Variants in KCNH1 observed in about 807,000 individuals in gnomAD.
KCNH1 encodes the protein potassium voltage-gated channel subfamily H member 1.
A neutral mutation model predicts 69.2 loss-of-function variants in KCNH1; 27 were observed. The observed-to-expected ratio is 0.39, with a 90% CI of 0.29 to 0.54. The LOEUF is 0.54. Among genes scored for constraint, KCNH1 ranks in the 20% least tolerant of loss-of-function variants. KCNH1 has a pLI of 0.68. For missense variants in KCNH1, 798 were observed against 1,261.6 expected (o/e 0.63, Z 5.57); for synonymous variants, 456 against 487.7 (o/e 0.93, Z 0.86).
At position 211,068,520 on chromosome 1, in the gene KCNH1, T is replaced by C. The variant is rs186858511; in HGVS notation, c.558+14260A>G. On this transcript the variant is annotated intron_variant, in intron 5 of 10. Coordinates refer to ENST00000271751, the MANE Select transcript of KCNH1 (RefSeq NM_172362.3). ...TAGTGATTCTTCTGCCTCAGCCTGC[T>C]GAGCAGCTAGGACTATAGGCACATG... is the stretch of plus-strand genomic sequence containing the variant. Among the ~76,000 whole-genome samples the C allele has an allele frequency of 1.8e-4, 27 of 152,284 alleles. No individual in the cohort carries two copies. The East Asian group carries it at 4.6e-3, about 26-fold the overall frequency.
intron 3 of KCNH1, among the ~76,000 whole-genome samples, chr1:211,100,798 G>C (rs1249587152): frequency 2.0e-5 from 3 of 152,230 alleles, no homozygotes; most frequent in African/African-American, 7.2e-5. Flanking sequence ...GCTGCTTTCT[G>C]TCCTTGCTAC....
chr1:210,751,537 A>C (rs1335539609), intron 10 of KCNH1, among the ~76,000 whole-genome samples: 3 of 152,152 alleles, frequency 2.0e-5, no homozygotes, highest in Admixed American at 6.5e-5. Flanking sequence ...TTTAAGTGCT[A>C]ACGTTAGGAC....
At chr1:210,977,151 G>A (rs369287419) in intron 6 of KCNH1, among the ~76,000 whole-genome samples, 191 of 152,280 alleles carry the variant, frequency 1.3e-3, no homozygotes, top group African/African-American at 4.4e-3. Context: ...GTAGGGATAT[G>A]GATGAAGCCA....
chr1:210,846,152 T>G (rs987526770), intron 7 of KCNH1, among the ~76,000 whole-genome samples: 3 of 152,102 alleles, frequency 2.0e-5, no homozygotes, highest in Admixed American at 6.6e-5. Context: ...TGGCCGTACT[T>G]CCCAAGGTAA....
chr1:210,773,600 C>T (rs1456032861), intron 10 of KCNH1, among the ~76,000 whole-genome samples: 1 of 152,198 alleles, frequency 6.6e-6, no homozygotes, highest in Non-Finnish European at 1.5e-5. Flanking sequence ...CCAGGCTTTG[C>T]TCAAACTGCC....
chr1:210,724,970 T>C (rs554140266), intron 10 of KCNH1, among the ~76,000 whole-genome samples: 21 of 152,294 alleles, frequency 1.4e-4, no homozygotes, highest in African/African-American at 4.3e-4. Context: ...TGAAAATAAT[T>C]TTCCCTATTA....
intron 7 of KCNH1, among the ~76,000 whole-genome samples, chr1:210,897,334 G>C (rs1686890183): frequency 6.6e-6 from 1 of 152,218 alleles, no homozygotes. Context: ...AGGCGAGGGA[G>C]ATAATGGAGT....
At chr1:210,927,064 G>C (rs557010692) in intron 6 of KCNH1, among the ~76,000 whole-genome samples, 37 of 152,214 alleles carry the variant, frequency 2.4e-4, no homozygotes, top group African/African-American at 8.9e-4. Flanking sequence ...AAGAAATTTG[G>C]GTTTATGTTA....
chr1:210,746,847 A>G (rs976430899), intron 10 of KCNH1, among the ~76,000 whole-genome samples: 2 of 152,134 alleles, frequency 1.3e-5, no homozygotes, highest in Non-Finnish European at 2.9e-5. Flanking sequence ...ATGCCCGGCT[A>G]TTACAACCTT....
chr1:211,070,588 C>A (rs1690623716), intron 5 of KCNH1, among the ~76,000 whole-genome samples: 1 of 151,888 alleles, frequency 6.6e-6, no homozygotes, highest in African/African-American at 2.4e-5. Context: ...CTTTGGGAGG[C>A]CAAGGCAGGC....
At chr1:211,072,756 G>A (rs989212818) in intron 5 of KCNH1, among the ~76,000 whole-genome samples, 2 of 152,050 alleles carry the variant, frequency 1.3e-5, no homozygotes, top group Non-Finnish European at 2.9e-5. Flanking sequence ...AGGAGAAAAA[G>A]TTGAATCACA....
chr1:210,798,125 C>T (rs113215747), intron 8 of KCNH1, among the ~76,000 whole-genome samples: 3,816 of 146,946 alleles, frequency 0.026, 175 homozygotes, highest in African/African-American at 0.089. Flanking sequence ...CTGCAAGCTC[C>T]GCCTCCCAGG....
chr1:210,806,711 A>T (rs927262151), intron 7 of KCNH1, among the ~76,000 whole-genome samples: 1 of 149,622 alleles, frequency 6.7e-6, no homozygotes, highest in African/African-American at 2.5e-5. Context: ...AATAATTAGA[A>T]ATTTACAAGA....
chr1:210,785,250 C>T (rs1684071258), intron 9 of KCNH1, among the ~76,000 whole-genome samples: 2 of 152,024 alleles, frequency 1.3e-5, no homozygotes, highest in African/African-American at 4.8e-5. Context: ...TTAAGATATA[C>T]ATGAAATAAA....
intron 6 of KCNH1, 32 bp downstream of exon 6, chr1:211,018,751 T>G: frequency 1.3e-6 from 2 of 1,525,352 alleles, no homozygotes; most frequent in Non-Finnish European, 1.8e-6. Context: ...TTTAAAGACA[T>G]GACAACAAGG....
intron 8 of KCNH1, among the ~76,000 whole-genome samples, chr1:210,799,104 A>G (rs1684380432): frequency 6.6e-6 from 1 of 151,864 alleles, no homozygotes; most frequent in Non-Finnish European, 1.5e-5. Context: ...CTTAAAGAAA[A>G]CAATAAAAAA....
At chr1:210,884,861 G>A (rs1181254447) in intron 7 of KCNH1, among the ~76,000 whole-genome samples, 1 of 152,208 alleles carries the variant, frequency 6.6e-6, no homozygotes, top group African/African-American at 2.4e-5. Flanking sequence ...ATCCCTTCTG[G>A]AGGAGACACC....
At chr1:210,708,734 C>G (rs1032656681) in intron 10 of KCNH1, among the ~76,000 whole-genome samples, 1 of 152,118 alleles carries the variant, frequency 6.6e-6, no homozygotes, top group Non-Finnish European at 1.5e-5. Context: ...GGAGGATTTC[C>G]TGCTAGGACA....
chr1:211,092,040 T>C lies in KCNH1; in HGVS notation c.311-1350A>G, dbSNP rs1235721256. On this transcript the variant is annotated intron_variant, in intron 3 of 10. Transcript: ENST00000271751. Reference sequence around the variant, plus strand: ...GTTGAATTTTGCATAACTGGAATAATACTTAGCATACTATTTTATAACCAT... The same window carrying C: ...GTTGAATTTTGCATAACTGGAATAACACTTAGCATACTATTTTATAACCAT... Among the ~76,000 whole-genome samples, 3 of 152,250 alleles carry C rather than the reference T, an allele frequency of 2.0e-5. No individual in the cohort carries two copies. In the East Asian group the frequency reaches 5.8e-4, roughly 29 times the overall value.
Sources: allele counts gnomAD v4.1 joint callset (sites outside exome capture counted in the v4.1 genomes callset), GRCh38; gene constraint gnomAD v4.1.1; transcripts MANE v1.5; gene names NCBI Gene and HGNC (gene_info 2026-07-23, HGNC 2026-07-21).